The following NFIB variants were observed in gnomAD, a reference collection of about 807,000 sequenced individuals.
The protein encoded by NFIB is nuclear factor 1 B-type.
Under a neutral mutation model 61.5 loss-of-function variants are expected in NFIB, and 11 were observed. The observed-to-expected ratio is 0.18, with a 90% CI of 0.11 to 0.30. The LOEUF (loss-of-function observed/expected upper bound fraction) is 0.30. Among genes scored for constraint, NFIB ranks in the 10% least tolerant of loss-of-function variants. The pLI, the probability that NFIB is intolerant of heterozygous loss-of-function variation, is 1.00. For synonymous variants in NFIB, 260 were observed against 216.5 expected (o/e 1.20, Z -1.76); for missense variants, 471 against 608.9 (o/e 0.77, Z 2.38).
intron 1 of NFIB, among the ~76,000 whole-genome samples, chr9:14,372,081 C>T (rs903022248): frequency 6.6e-5 from 10 of 151,780 alleles, no homozygotes; most frequent in African/African-American, 2.4e-4. Context: ...CTCAGGTGCG[C>T]ACCATCTGAA....
the NFIB span, among the ~76,000 whole-genome samples, chr9:14,526,594 A>G: frequency 0.034 from 5,214 of 152,256 alleles, 141 homozygotes; most frequent in South Asian, 0.068. Context: ...CTGCCCTGCT[A>G]AATTTTCCTA....
the NFIB span, among the ~76,000 whole-genome samples, chr9:14,405,452 A>T: frequency 6.6e-6 from 1 of 152,232 alleles, no homozygotes; most frequent in South Asian, 2.1e-4. Flanking sequence ...AATGGCAGGG[A>T]AACTGACTTT....
chr9:14,099,360 C>G (rs2035369452), intron 10 of NFIB, among the ~76,000 whole-genome samples: 1 of 152,172 alleles, frequency 6.6e-6, no homozygotes, highest in African/African-American at 2.4e-5. Context: ...GATTCTAAAG[C>G]CATAGCCATG....
chr9:14,162,745 G>A (rs774510496), intron 3 of NFIB, among the ~76,000 whole-genome samples: 46 of 152,022 alleles, frequency 3.0e-4, no homozygotes, highest in Admixed American at 5.2e-4. Context: ...ACTCTGAATC[G>A]TGAATACTAT....
intron 2 of NFIB, among the ~76,000 whole-genome samples, chr9:14,181,432 T>C (rs1387580135): frequency 2.6e-5 from 4 of 152,188 alleles, no homozygotes; most frequent in African/African-American, 9.7e-5. Flanking sequence ...TGAAAATCTC[T>C]CTCATCTCCC....
intron 3 of NFIB, among the ~76,000 whole-genome samples, chr9:14,157,390 G>A (rs1268792075): frequency 1.3e-5 from 2 of 152,130 alleles, no homozygotes; most frequent in African/African-American, 2.4e-5. Context: ...AGCCACTGAT[G>A]TTTGACATCC....
chr9:14,175,833 G>C (rs190200078), intron 3 of NFIB, among the ~76,000 whole-genome samples: 3 of 152,156 alleles, frequency 2.0e-5, no homozygotes, highest in Non-Finnish European at 2.9e-5. Flanking sequence ...ACATGTCTTC[G>C]TCATATTACC....
chr9:14,525,066 C>T, the NFIB span, among the ~76,000 whole-genome samples: 4 of 152,120 alleles, frequency 2.6e-5, no homozygotes, highest in Admixed American at 6.5e-5. Flanking sequence ...CTAATTGTCT[C>T]GAGGAAAGAT....
intron 6 of NFIB, among the ~76,000 whole-genome samples, chr9:14,132,271 A>T (rs1490710918): frequency 6.6e-6 from 1 of 152,178 alleles, no homozygotes; most frequent in Admixed American, 6.5e-5. Flanking sequence ...AAATGTTTTA[A>T]AAGTGTAATT....
chr9:14,515,873 A>G, the NFIB span, among the ~76,000 whole-genome samples: 1 of 152,224 alleles, frequency 6.6e-6, no homozygotes, highest in African/African-American at 2.4e-5. Flanking sequence ...GACCTCATTC[A>G]GGCTAAGGCC....
chr9:14,519,973 T>C, the NFIB span, among the ~76,000 whole-genome samples: 80 of 151,902 alleles, frequency 5.3e-4, no homozygotes, highest in Middle Eastern at 3.4e-3. Flanking sequence ...AATTTTAGCT[T>C]CCCCTTAGTT....
intron 1 of NFIB, among the ~76,000 whole-genome samples, chr9:14,345,986 C>G (rs1484405892): frequency 6.6e-6 from 1 of 152,194 alleles, no homozygotes; most frequent in Non-Finnish European, 1.5e-5. Context: ...GCCATGGTGG[C>G]AACATGGGCC....
chr9:14,274,089 T>C (rs945492870), intron 2 of NFIB, among the ~76,000 whole-genome samples: 4 of 152,160 alleles, frequency 2.6e-5, no homozygotes, highest in African/African-American at 7.2e-5. Context: ...TGAATGCTTC[T>C]CTATATCTCA....
the NFIB span, among the ~76,000 whole-genome samples, chr9:14,502,873 C>T: frequency 6.6e-6 from 1 of 151,986 alleles, no homozygotes; most frequent in African/African-American, 2.4e-5. Flanking sequence ...AGTATTTTCG[C>T]CCTCACTCCC....
chr9:14,481,893 G>C, the NFIB span, among the ~76,000 whole-genome samples: 15 of 152,012 alleles, frequency 9.9e-5, no homozygotes, highest in African/African-American at 3.6e-4. Flanking sequence ...TTCTGACACA[G>C]TCTCTCCCCT....
At chr9:14,531,872 G>A in the NFIB span, 151,968 of 152,200 alleles carry the variant, frequency 1, 75,868 homozygotes, top group Middle Eastern at 1. Context: ...TGGAACAATA[G>A]AGGAGGAGCT....
At chr9:14,448,500 C>T in the NFIB span, among the ~76,000 whole-genome samples, 8 of 152,138 alleles carry the variant, frequency 5.3e-5, no homozygotes, top group Admixed American at 4.6e-4. Context: ...CCAGTGCTTC[C>T]TTTTTCTTAA....
chr9:14,380,630 A>T (rs1564045047), intron 1 of NFIB, among the ~76,000 whole-genome samples: 1 of 152,108 alleles, frequency 6.6e-6, no homozygotes, highest in Non-Finnish European at 1.5e-5. Context: ...TCCAAAAAAA[A>T]TGTTGTTCTT....
chr9:14,497,930 T>C, the NFIB span, among the ~76,000 whole-genome samples: 1 of 152,166 alleles, frequency 6.6e-6, no homozygotes, highest in African/African-American at 2.4e-5. Context: ...AGTTCAGAGA[T>C]GGAGGAAGTA....
Sources: allele counts gnomAD v4.1 joint callset (sites outside exome capture counted in the v4.1 genomes callset), GRCh38; gene constraint gnomAD v4.1.1; transcripts MANE v1.5; gene names NCBI Gene and HGNC (gene_info 2026-07-23, HGNC 2026-07-21).